Variants in GALNT13 observed in about 807,000 individuals in gnomAD.
The protein encoded by GALNT13 is UDP-GalNAc:polypeptide N-acetylgalactosaminyltransferase 13.
A neutral mutation model predicts 64.2 loss-of-function variants in GALNT13; 28 were observed. That is an observed-to-expected ratio of 0.44 (90% CI 0.32 to 0.60). The LOEUF (loss-of-function observed/expected upper bound fraction) is 0.60, where lower values mean the gene tolerates loss of function less well. GALNT13 is among the 20% of genes least tolerant of loss of function. The pLI is 0.05. For synonymous variants in GALNT13, 214 were observed against 224.6 expected (o/e 0.95, Z 0.42); for missense variants, 577 against 669.8 (o/e 0.86, Z 1.53).
intron 3 of GALNT13, among the ~76,000 whole-genome samples, chr2:154,117,448 G>T (rs1447289968): frequency 1.3e-5 from 2 of 152,092 alleles, no homozygotes; most frequent in African/African-American, 4.8e-5. Flanking sequence ...CATCTCCAAA[G>T]TTCATTGTAT....
At chr2:153,963,223 C>T (rs1323260831) in intron 3 of GALNT13, among the ~76,000 whole-genome samples, 2 of 152,188 alleles carry the variant, frequency 1.3e-5, no homozygotes, top group East Asian at 3.9e-4. Context: ...AGAGGTCTCA[C>T]TATCTAAACA....
At chr2:153,081,153 A>G in the GALNT13 span, among the ~76,000 whole-genome samples, 3 of 152,240 alleles carry the variant, frequency 2.0e-5, no homozygotes, top group Admixed American at 6.5e-5. Context: ...ATATTTCACT[A>G]TATGGTATAT....
intron 2 of GALNT13, among the ~76,000 whole-genome samples, chr2:153,926,956 T>C (rs964266643): frequency 6.6e-6 from 1 of 152,136 alleles, no homozygotes; most frequent in African/African-American, 2.4e-5. Context: ...TTCCAATGCT[T>C]GTATATGAAT....
intron 3 of GALNT13, among the ~76,000 whole-genome samples, chr2:154,105,359 A>G (rs2105473643): frequency 6.6e-6 from 1 of 152,320 alleles, no homozygotes; most frequent in African/African-American, 2.4e-5. Flanking sequence ...CACTGGTCCC[A>G]TTAGATTATA....
the GALNT13 span, among the ~76,000 whole-genome samples, chr2:153,766,563 G>A: frequency 2.9e-3 from 443 of 151,758 alleles, 1 homozygote; most frequent in African/African-American, 9.5e-3. Flanking sequence ...TATTTTCTTG[G>A]CTTATTTTAC....
chr2:154,065,175 CTT>C (rs1700398091), intron 3 of GALNT13, among the ~76,000 whole-genome samples: 1 of 152,076 alleles, frequency 6.6e-6, no homozygotes, highest in Non-Finnish European at 1.5e-5. Flanking sequence ...AGTGGAAGGA[CTT>C]TGTCTTGTGG....
At chr2:153,548,970 C>G in the GALNT13 span, among the ~76,000 whole-genome samples, 1 of 152,132 alleles carries the variant, frequency 6.6e-6, no homozygotes, top group Admixed American at 6.5e-5. Flanking sequence ...ATATGAACGA[C>G]CTTTGAAAAC....
At chr2:153,628,968 T>C in the GALNT13 span, among the ~76,000 whole-genome samples, 1 of 152,138 alleles carries the variant, frequency 6.6e-6, no homozygotes, top group East Asian at 1.9e-4. Context: ...TGTGAATCTG[T>C]CTGGTCCTGG....
At chr2:153,924,554 A>T (rs941928481) in intron 2 of GALNT13, among the ~76,000 whole-genome samples, 3 of 152,150 alleles carry the variant, frequency 2.0e-5, no homozygotes, top group African/African-American at 7.2e-5. Flanking sequence ...AGAACAGTTT[A>T]TATTCCTTTG....
the GALNT13 span, among the ~76,000 whole-genome samples, chr2:153,361,382 G>A: frequency 6.6e-6 from 1 of 152,020 alleles, no homozygotes; most frequent in Non-Finnish European, 1.5e-5. Flanking sequence ...TGAATTGACA[G>A]AAGTACGCTT....
intron 3 of GALNT13, among the ~76,000 whole-genome samples, chr2:154,110,207 T>C (rs1376633227): frequency 6.8e-6 from 1 of 146,738 alleles, no homozygotes; most frequent in Non-Finnish European, 1.5e-5. Flanking sequence ...GTTGTTTTAG[T>C]TTTTATTTCC....
chr2:153,503,698 C>T, the GALNT13 span, among the ~76,000 whole-genome samples: 1 of 152,184 alleles, frequency 6.6e-6, no homozygotes, highest in Non-Finnish European at 1.5e-5. Context: ...ACCTCGGCCT[C>T]CCAAAGTGCT....
the GALNT13 span, among the ~76,000 whole-genome samples, chr2:153,070,775 T>C: frequency 6.6e-6 from 1 of 152,178 alleles, no homozygotes; most frequent in South Asian, 2.1e-4. Context: ...CACATATGAC[T>C]CTGTATATAT....
chr2:153,644,032 T>G, the GALNT13 span, among the ~76,000 whole-genome samples: 2 of 151,902 alleles, frequency 1.3e-5, no homozygotes, highest in Non-Finnish European at 2.9e-5. Flanking sequence ...CGATTTCTTT[T>G]CAACACTGCT....
At chr2:153,597,672 T>C in the GALNT13 span, among the ~76,000 whole-genome samples, 4 of 152,086 alleles carry the variant, frequency 2.6e-5, no homozygotes, top group African/African-American at 7.2e-5. Flanking sequence ...CAAATGATAC[T>C]ATCAAGAAAG....
At chr2:153,681,742 T>C in the GALNT13 span, among the ~76,000 whole-genome samples, 13 of 151,910 alleles carry the variant, frequency 8.6e-5, no homozygotes, top group South Asian at 2.3e-3. Flanking sequence ...CAGCATTATT[T>C]TCCCCCGCAG....
the GALNT13 span, among the ~76,000 whole-genome samples, chr2:153,315,215 TA>T: frequency 6.6e-6 from 1 of 152,196 alleles, no homozygotes; most frequent in Admixed American, 6.5e-5. Context: ...CAAAATCTAA[TA>T]GACATGGTGG....
the GALNT13 span, among the ~76,000 whole-genome samples, chr2:153,209,113 G>T: frequency 6.6e-6 from 1 of 151,488 alleles, no homozygotes; most frequent in African/African-American, 2.4e-5. Context: ...GAGTAGCCGG[G>T]ACTACAGGCG....
chr2:153,295,508 C>T, the GALNT13 span, among the ~76,000 whole-genome samples: 1 of 141,352 alleles, frequency 7.1e-6, no homozygotes, highest in Non-Finnish European at 1.5e-5. Flanking sequence ...TGCCTTGAAG[C>T]CTAAACATCT....
Sources: allele counts gnomAD v4.1 joint callset (sites outside exome capture counted in the v4.1 genomes callset), GRCh38; gene constraint gnomAD v4.1.1; transcripts MANE v1.5; gene names NCBI Gene and HGNC (gene_info 2026-07-23, HGNC 2026-07-21).